ROBO2: variants seen among roughly 807,000 people sequenced by gnomAD.
The protein encoded by ROBO2 is roundabout homolog 2.
ROBO2 carries 53 observed loss-of-function variants against 160.8 expected under a neutral mutation model. The observed-to-expected ratio is 0.33, with a 90% confidence interval of 0.26 to 0.41. The LOEUF is 0.41. ROBO2 is among the 10% of genes least tolerant of loss of function. The pLI is 1.00. For missense variants in ROBO2, 1,577 were observed against 1,722.4 expected, an observed-to-expected ratio of 0.92 and a Z score of 1.49; for synonymous variants, 664 against 611.7, an observed-to-expected ratio of 1.09 and a Z score of -1.26.
At chr3:77,176,092 G>T (rs985870195) in intron 2 of ROBO2, among the ~76,000 whole-genome samples, 13 of 151,910 alleles carry the variant, frequency 8.6e-5, no homozygotes, top group Non-Finnish European at 1.3e-4. Context: ...AATGAGCTGG[G>T]TAAGAAGAGC....
At chr3:76,279,925 C>G (rs1200832213) in intron 2 of ROBO2, among the ~76,000 whole-genome samples, 1 of 151,928 alleles carries the variant, frequency 6.6e-6, no homozygotes, top group Non-Finnish European at 1.5e-5. Flanking sequence ...TGACAGCTCC[C>G]CAGGGCCTAG....
intron 2 of ROBO2, among the ~76,000 whole-genome samples, chr3:76,812,627 G>A (rs2065290435): frequency 6.6e-6 from 1 of 151,874 alleles, no homozygotes; most frequent in African/African-American, 2.4e-5. Flanking sequence ...CTTTCTCTCA[G>A]AAAGAAAATA....
At chr3:75,990,153 A>C (rs2065526856) in intron 2 of ROBO2, among the ~76,000 whole-genome samples, 1 of 152,246 alleles carries the variant, frequency 6.6e-6, no homozygotes, top group African/African-American at 2.4e-5. Context: ...TATTTATTAC[A>C]GAATTACTAA....
chr3:77,370,239 T>C (rs976383714), intron 2 of ROBO2, among the ~76,000 whole-genome samples: 9 of 152,202 alleles, frequency 5.9e-5, no homozygotes, highest in African/African-American at 1.7e-4. Context: ...TTGCTCTCCT[T>C]AGATAGTTCT....
At chr3:76,899,951 T>G (rs1034066002) in intron 2 of ROBO2, among the ~76,000 whole-genome samples, 1 of 152,188 alleles carries the variant, frequency 6.6e-6, no homozygotes, top group African/African-American at 2.4e-5. Flanking sequence ...TAGTCTGTTT[T>G]CACACTGCTG....
intron 2 of ROBO2, among the ~76,000 whole-genome samples, chr3:76,432,278 T>G (rs1015814713): frequency 4.6e-5 from 7 of 152,180 alleles, no homozygotes; most frequent in Non-Finnish European, 8.8e-5. Flanking sequence ...ATAGAATATT[T>G]TATTATTTTC....
At chr3:76,653,997 G>T (rs2091373214) in intron 2 of ROBO2, among the ~76,000 whole-genome samples, 1 of 152,158 alleles carries the variant, frequency 6.6e-6, no homozygotes, top group African/African-American at 2.4e-5. Context: ...GTGTTAAAAA[G>T]TGATACTGCT....
chr3:76,948,132 A>T (rs2078686642), intron 2 of ROBO2, among the ~76,000 whole-genome samples: 1 of 152,194 alleles, frequency 6.6e-6, no homozygotes, highest in African/African-American at 2.4e-5. Context: ...CAAACACAAA[A>T]TTTTAAGTAG....
At chr3:76,117,878 C>G (rs1049454396) in intron 2 of ROBO2, among the ~76,000 whole-genome samples, 2 of 151,968 alleles carry the variant, frequency 1.3e-5, no homozygotes, top group Non-Finnish European at 2.9e-5. Context: ...CTGGCATCGT[C>G]TCAGTGGCCA....
intron 2 of ROBO2, among the ~76,000 whole-genome samples, chr3:76,040,720 GC>G (rs1256712026): frequency 6.6e-6 from 1 of 152,058 alleles, no homozygotes; most frequent in Admixed American, 6.5e-5. Flanking sequence ...GGGCATGGGG[GC>G]TCATGCCTGT....
intron 2 of ROBO2, among the ~76,000 whole-genome samples, chr3:76,397,239 A>C (rs1490929453): frequency 3.3e-5 from 5 of 152,206 alleles, no homozygotes; most frequent in Non-Finnish European, 5.9e-5. Flanking sequence ...TTCCCTATTT[A>C]ATAAATGGTG....
intron 2 of ROBO2, among the ~76,000 whole-genome samples, chr3:76,127,498 A>T (rs1022013217): frequency 6.6e-6 from 1 of 152,040 alleles, no homozygotes; most frequent in African/African-American, 2.4e-5. Context: ...GAACAATTTT[A>T]TGTCTGTGAT....
At chr3:76,842,431 C>T (rs2068373904) in intron 2 of ROBO2, among the ~76,000 whole-genome samples, 1 of 152,150 alleles carries the variant, frequency 6.6e-6, no homozygotes, top group South Asian at 2.1e-4. Flanking sequence ...TTTTCAGCAC[C>T]ACTGTAGTGG....
At chr3:76,391,943 C>T (rs1230850770) in intron 2 of ROBO2, among the ~76,000 whole-genome samples, 3 of 152,142 alleles carry the variant, frequency 2.0e-5, no homozygotes, top group Non-Finnish European at 4.4e-5. Context: ...GTTAGGAAGA[C>T]AGTAGACTCT....
At chr3:76,082,353 A>C (rs1222246685) in intron 2 of ROBO2, among the ~76,000 whole-genome samples, 2 of 152,106 alleles carry the variant, frequency 1.3e-5, no homozygotes, top group African/African-American at 2.4e-5. Flanking sequence ...AAGTGTGTAA[A>C]GGCATAAAAA....
intron 2 of ROBO2, among the ~76,000 whole-genome samples, chr3:76,965,785 G>GTGTATATATATATATATATATA (rs1424338840): frequency 5.4e-5 from 7 of 129,216 alleles, no homozygotes; most frequent in African/African-American, 2.2e-4. Flanking sequence ...TTGTGTTTGT[G>GTGTATATATATATATATATATA]TATATATATA....
At chr3:76,069,949 T>C (rs2068391322) in intron 2 of ROBO2, among the ~76,000 whole-genome samples, 1 of 152,202 alleles carries the variant, frequency 6.6e-6, no homozygotes, top group East Asian at 1.9e-4. Flanking sequence ...GTTGTGAAGA[T>C]TTCACGGACA....
chr3:76,149,679 ATCTG>A lies in ROBO2; in HGVS notation c.109+212081_109+212084del, dbSNP rs1215400589. Among the ~76,000 whole-genome samples the A allele has an allele frequency of 4.0e-5, 5 of 125,078 alleles. 1 individual carries two copies. Among genetic ancestry groups the A allele is most frequent in the Non-Finnish European group, 9.2e-5 (5 of 54,596 alleles). 82.1% of individuals were successfully genotyped at this position (125,078 alleles called of 152,430 possible). A position where few individuals can be genotyped will look rare whatever the true frequency, so the allele number is the denominator to read the frequency against. ...ACATCATCTGTCTAAAACACACATC[ATCTG>A]TCTAAAACACACATCTGTTTAAAGC... is the stretch of plus-strand genomic sequence containing the variant. On this transcript the variant is annotated intron_variant, in intron 2 of 26. Transcript: ENST00000487694.
chr3:75,989,097 A>G (rs2065494546), intron 2 of ROBO2, among the ~76,000 whole-genome samples: 1 of 151,792 alleles, frequency 6.6e-6, no homozygotes, highest in African/African-American at 2.4e-5. Flanking sequence ...TGCATTATTA[A>G]ATATTTATTT....
Sources: gnomAD v4.1 joint callset for allele counts (sites outside exome capture counted in the v4.1 genomes callset) on GRCh38, gnomAD v4.1.1 for gene constraint, MANE v1.5 for transcripts, NCBI Gene and HGNC (gene_info 2026-07-23, HGNC 2026-07-21) for gene names.